STARD13: variants seen among roughly 807,000 people sequenced by gnomAD.
The protein encoded by STARD13 is StAR related lipid transfer domain containing 13.
Under a neutral mutation model 106.4 loss-of-function variants are expected in STARD13, and 62 were observed. That is an observed-to-expected ratio of 0.58 (90% CI 0.48 to 0.72). The LOEUF (loss-of-function observed/expected upper bound fraction) is 0.72. STARD13 is among the 30% of genes least tolerant of loss of function. The pLI is 0.00. For missense variants in STARD13, 1,387 were observed against 1,424.0 expected, an observed-to-expected ratio of 0.97 and a Z score of 0.42; for synonymous variants, 565 against 553.0, an observed-to-expected ratio of 1.02 and a Z score of -0.31.
the STARD13 span, among the ~76,000 whole-genome samples, chr13:33,415,227 G>A: frequency 3.9e-5 from 6 of 152,160 alleles, no homozygotes; most frequent in Non-Finnish European, 8.8e-5. Context: ...AAGTAGCCGG[G>A]CGTGGTGGCG....
chr13:33,360,350 G>A, the STARD13 span, among the ~76,000 whole-genome samples: 6 of 151,894 alleles, frequency 4.0e-5, no homozygotes, highest in Non-Finnish European at 5.9e-5. Flanking sequence ...GACTATAGGC[G>A]CGTGCCACCA....
At chr13:33,160,679 T>A (rs1246228664) in intron 3 of STARD13, among the ~76,000 whole-genome samples, 1 of 152,134 alleles carries the variant, frequency 6.6e-6, no homozygotes, top group Non-Finnish European at 1.5e-5. Context: ...TAAGCACATA[T>A]TCAACATTAT....
At chr13:33,613,358 T>G in the STARD13 span, among the ~76,000 whole-genome samples, 1 of 152,202 alleles carries the variant, frequency 6.6e-6, no homozygotes, top group East Asian at 1.9e-4. Context: ...AGGCTGAAGC[T>G]ATAGTCCACA....
At chr13:33,516,427 A>G in the STARD13 span, among the ~76,000 whole-genome samples, 1 of 151,938 alleles carries the variant, frequency 6.6e-6, no homozygotes, top group Admixed American at 6.6e-5. Context: ...AAAAAAACAT[A>G]TCCCCTTACA....
At chr13:33,427,875 A>G in the STARD13 span, among the ~76,000 whole-genome samples, 1 of 151,456 alleles carries the variant, frequency 6.6e-6, no homozygotes, top group African/African-American at 2.4e-5. Flanking sequence ...AAATCACTTG[A>G]ACCCGGGAGG....
chr13:33,119,179 C>T (rs907412886), intron 7 of STARD13, among the ~76,000 whole-genome samples: 1 of 152,084 alleles, frequency 6.6e-6, no homozygotes, highest in Admixed American at 6.5e-5. Context: ...TGGACTTACC[C>T]GCTATTCAAA....
the STARD13 span, among the ~76,000 whole-genome samples, chr13:33,630,424 T>C: frequency 6.6e-6 from 1 of 152,188 alleles, no homozygotes; most frequent in African/African-American, 2.4e-5. Flanking sequence ...AAAAAATTAA[T>C]TTGCTGATAC....
At chr13:33,304,919 C>T (rs1440919563) in intron 1 of STARD13, among the ~76,000 whole-genome samples, 1 of 152,166 alleles carries the variant, frequency 6.6e-6, no homozygotes, top group East Asian at 1.9e-4. Context: ...CAATGGTGAA[C>T]AAAATCCATA....
At chr13:33,249,189 C>T (rs779175341) in intron 1 of STARD13, among the ~76,000 whole-genome samples, 13 of 152,264 alleles carry the variant, frequency 8.5e-5, no homozygotes, top group East Asian at 5.8e-4. Flanking sequence ...AGGAGGATTT[C>T]GAAGCAGGGA....
the STARD13 span, among the ~76,000 whole-genome samples, chr13:33,502,736 A>C: frequency 6.6e-6 from 1 of 152,194 alleles, no homozygotes; most frequent in Non-Finnish European, 1.5e-5. Flanking sequence ...TGATGAAGCC[A>C]ACTTGATCAT....
At chr13:33,111,625 C>G (rs1360664036) in intron 10 of STARD13, among the ~76,000 whole-genome samples, 153 bp downstream of exon 10, 1 of 152,188 alleles carries the variant, frequency 6.6e-6, no homozygotes, top group African/African-American at 2.4e-5. Context: ...AGCTCCTCAG[C>G]TTTCTTGGAA....
intron 1 of STARD13, among the ~76,000 whole-genome samples, chr13:33,239,038 C>G (rs150693140): frequency 6.6e-6 from 1 of 151,732 alleles, no homozygotes; most frequent in Non-Finnish European, 1.5e-5. Context: ...ATTTCCCCCT[C>G]CCCCCCAGCC....
intron 1 of STARD13, among the ~76,000 whole-genome samples, chr13:33,214,279 A>G (rs977049700): frequency 6.6e-6 from 1 of 152,230 alleles, no homozygotes; most frequent in Non-Finnish European, 1.5e-5. Context: ...CAATAACTTT[A>G]CATGACTGGG....
the STARD13 span, among the ~76,000 whole-genome samples, chr13:33,575,181 G>T: frequency 1.3e-5 from 2 of 152,040 alleles, no homozygotes; most frequent in Admixed American, 6.5e-5. Context: ...CTCCCAAAAT[G>T]CTGGGATTAC....
intron 1 of STARD13, among the ~76,000 whole-genome samples, chr13:33,231,697 C>G (rs929332854): frequency 3.3e-5 from 5 of 152,220 alleles, no homozygotes. Flanking sequence ...ACATGGCCAG[C>G]AGGGAGAAAG....
At chr13:33,395,025 A>G in the STARD13 span, among the ~76,000 whole-genome samples, 1 of 152,212 alleles carries the variant, frequency 6.6e-6, no homozygotes, top group Non-Finnish European at 1.5e-5. Flanking sequence ...ATCAGGACTC[A>G]GGGAGCCATC....
chr13:33,166,241 C>T lies in STARD13; in HGVS notation c.242-823G>A, dbSNP rs1263062119. Among the ~76,000 whole-genome samples, 3 of 152,122 alleles carry T rather than the reference C, an allele frequency of 2.0e-5. No individual in the cohort carries two copies. In the East Asian group the frequency reaches 5.8e-4, roughly 29 times the overall value. On this transcript the variant is annotated intron_variant, in intron 2 of 13. Transcript: ENST00000336934. ...AATTCCCCTTCTGGTGAAAAAAAATCATGTGAGTGACTTACAGATGGTTCC... is the reference window on the plus strand; with the variant it reads ...AATTCCCCTTCTGGTGAAAAAAAATTATGTGAGTGACTTACAGATGGTTCC...
chr13:33,354,389 A>G (rs1460801563), upstream of STARD13, among the ~76,000 whole-genome samples: 1 of 152,138 alleles, frequency 6.6e-6, no homozygotes, highest in African/African-American at 2.4e-5. Flanking sequence ...TAATCCTTCT[A>G]CAAATCCCAG....
At chr13:33,201,875 G>A (rs1313863308) in intron 1 of STARD13, among the ~76,000 whole-genome samples, 2 of 152,126 alleles carry the variant, frequency 1.3e-5, no homozygotes, top group Non-Finnish European at 2.9e-5. Flanking sequence ...AACATAATTA[G>A]TACATAATCT....
Sources: gnomAD v4.1 joint callset for allele counts (sites outside exome capture counted in the v4.1 genomes callset) on GRCh38, gnomAD v4.1.1 for gene constraint, MANE v1.5 for transcripts, NCBI Gene and HGNC (gene_info 2026-07-23, HGNC 2026-07-21) for gene names.